The following SYCP1 variants were observed in gnomAD, a reference collection of about 807,000 sequenced individuals.
SYCP1 encodes cancer/testis antigen 8.
Under a neutral mutation model 153.1 loss-of-function variants are expected in SYCP1, and 64 were observed. That is an observed-to-expected ratio of 0.42 (90% CI 0.34 to 0.51). The LOEUF (loss-of-function observed/expected upper bound fraction) is 0.51, where lower values mean the gene tolerates loss of function less well. Among genes scored for constraint, SYCP1 ranks in the 20% least tolerant of loss-of-function variants. The pLI is 0.06. For missense variants in SYCP1, 997 were observed against 1,049.0 expected (o/e 0.95, Z 0.68); for synonymous variants, 384 against 341.8 (o/e 1.12, Z -1.36).
intron 16 of SYCP1, among the ~76,000 whole-genome samples, chr1:114,900,078 C>G (rs184434869): frequency 6.6e-6 from 1 of 152,136 alleles, no homozygotes; most frequent in Non-Finnish European, 1.5e-5. Flanking sequence ...ATGAATACTT[C>G]GTTGTGCTTT....
intron 29 of SYCP1, among the ~76,000 whole-genome samples, chr1:114,982,022 TCTGA>T (rs1673189342): frequency 6.6e-6 from 1 of 152,050 alleles, no homozygotes; most frequent in African/African-American, 2.4e-5. Flanking sequence ...GTGGCTCAGT[TCTGA>T]CTGTCTTTCA....
intron 27 of SYCP1, among the ~76,000 whole-genome samples, chr1:114,951,899 C>A (rs1400376723): frequency 6.6e-6 from 1 of 150,866 alleles, no homozygotes; most frequent in Non-Finnish European, 1.5e-5. Flanking sequence ...CACTATGTAA[C>A]CTTTGTTACA....
chr1:114,934,298 C>A (rs1669837204), intron 23 of SYCP1, among the ~76,000 whole-genome samples: 1 of 152,120 alleles, frequency 6.6e-6, no homozygotes, highest in South Asian at 2.1e-4. Flanking sequence ...AATTTCATAT[C>A]CAGCCAAACT....
intron 29 of SYCP1, among the ~76,000 whole-genome samples, chr1:114,982,123 C>G (rs946299666): frequency 2.1e-4 from 32 of 151,998 alleles, no homozygotes; most frequent in Admixed American, 3.9e-4. Context: ...TCTCTTACCT[C>G]TCTCTCGTTT....
At chr1:114,992,221 G>T (rs1258703150) in intron 30 of SYCP1, among the ~76,000 whole-genome samples, 3 of 151,688 alleles carry the variant, frequency 2.0e-5, no homozygotes, top group Non-Finnish European at 4.4e-5. Flanking sequence ...TAAGATGTCA[G>T]TGGTACCCAA....
In SYCP1 at chr1:114,855,569, C is replaced by A; in HGVS notation, c.105C>A (p.Phe35Leu). 1 of 1,605,844 alleles carries A rather than the reference C, an allele frequency of 6.2e-7. No individual in the cohort carries two copies. The highest frequency in any genetic ancestry group is 8.5e-7 in the Non-Finnish European group (1 of 1,175,240). Residue 35 changes from phenylalanine to leucine, a missense_variant, in exon 2 of 32, where the codon TTC becomes TTA. Transcript: ENST00000369522. ...PQTLGGDSTF[F>L]KSFNKCTEDD... is the part of the protein sequence containing the mutation. ...CCCTGGGAGGCGATTCCACTTTCTT[C>A]AAGGTAAATTTCCATGTGACTCTTA...
At chr1:114,944,849 T>A (rs200215354) in intron 24 of SYCP1, 23 bp from the exon 25 acceptor site, 10 of 1,452,828 alleles carry the variant, frequency 6.9e-6, no homozygotes, top group Non-Finnish European at 9.3e-6. Context: ...TTAAGAAACT[T>A]TTTTTTTTTG....
At chr1:114,981,124 A>AG in intron 28 of SYCP1, among the ~76,000 whole-genome samples, 1 of 151,986 alleles carries the variant, frequency 6.6e-6, no homozygotes, top group Admixed American at 6.6e-5. Context: ...GAAGACAGGC[A>AG]GGGGCAGATA....
At chr1:114,987,404 C>T (rs900809632) in intron 30 of SYCP1, among the ~76,000 whole-genome samples, 4 of 151,996 alleles carry the variant, frequency 2.6e-5, no homozygotes, top group African/African-American at 7.2e-5. Flanking sequence ...CAATAGCTCA[C>T]GCCTGTAATT....
At chr1:114,987,013 G>A (rs904430425) in intron 30 of SYCP1, among the ~76,000 whole-genome samples, 2 of 151,682 alleles carry the variant, frequency 1.3e-5, no homozygotes, top group East Asian at 3.9e-4. Context: ...AAACATCAGA[G>A]TTCAGTGTTT....
At chr1:114,889,472 CAT>C (rs1414704963) in intron 15 of SYCP1, among the ~76,000 whole-genome samples, 2 of 152,140 alleles carry the variant, frequency 1.3e-5, no homozygotes, top group African/African-American at 2.4e-5. Flanking sequence ...AGCATTTTTT[CAT>C]ATGTCTGTTG....
At chr1:114,866,915 T>TC (rs397981388) in intron 8 of SYCP1, among the ~76,000 whole-genome samples, 2 of 151,706 alleles carry the variant, frequency 1.3e-5, no homozygotes, top group Non-Finnish European at 2.9e-5. Flanking sequence ...TTTTTTTTTT[T>TC]GCATGCAGAT....
At chr1:114,896,964 G>T (rs1667112987) in intron 16 of SYCP1, among the ~76,000 whole-genome samples, 2 of 152,164 alleles carry the variant, frequency 1.3e-5, no homozygotes, top group Admixed American at 1.3e-4. Flanking sequence ...CTGCCTCACA[G>T]ATTGAATCCC....
chr1:114,890,008 T>C (rs1209726662), intron 15 of SYCP1, among the ~76,000 whole-genome samples: 1 of 152,186 alleles, frequency 6.6e-6, no homozygotes, highest in African/African-American at 2.4e-5. Flanking sequence ...ATTAAGTGGC[T>C]ATTTGTCATA....
At chr1:114,912,293 T>A (rs1001086500) in intron 18 of SYCP1, among the ~76,000 whole-genome samples, 1 of 151,994 alleles carries the variant, frequency 6.6e-6, no homozygotes, top group African/African-American at 2.4e-5. Context: ...TTAATGTAAA[T>A]TTGTTATCCT....
intron 16 of SYCP1, among the ~76,000 whole-genome samples, chr1:114,905,143 CT>C (rs1667732876): frequency 6.6e-6 from 1 of 152,056 alleles, no homozygotes; most frequent in Admixed American, 6.6e-5. Context: ...CTGTAGATTT[CT>C]TTTCTTTTGC....
At chr1:114,886,331 A>T in intron 14 of SYCP1, 22 bp downstream of exon 14, 2 of 1,479,928 alleles carry the variant, frequency 1.4e-6, no homozygotes, top group East Asian at 2.4e-5. Flanking sequence ...ATTATTTTTA[A>T]TACACAAAAT....
At chr1:114,936,222 T>A (rs1253884445) in intron 23 of SYCP1, among the ~76,000 whole-genome samples, 2 of 152,318 alleles carry the variant, frequency 1.3e-5, no homozygotes, top group Admixed American at 6.5e-5. Flanking sequence ...GTTGGCTTCA[T>A]CCCTGGGATG....
At chr1:114,962,068 C>G (rs2101886540) in intron 27 of SYCP1, among the ~76,000 whole-genome samples, 2 of 151,346 alleles carry the variant, frequency 1.3e-5, no homozygotes, top group East Asian at 3.9e-4. Context: ...ACCTTCGCCT[C>G]CCAGGTTCAA....
Sources: allele counts gnomAD v4.1 joint callset (sites outside exome capture counted in the v4.1 genomes callset), GRCh38; gene constraint gnomAD v4.1.1; transcripts MANE v1.5; gene names NCBI Gene and HGNC (gene_info 2026-07-23, HGNC 2026-07-21).